SLC24A2: variants seen among roughly 807,000 people sequenced by gnomAD.
SLC24A2 encodes sodium/potassium/calcium exchanger 2.
A neutral mutation model predicts 62.0 loss-of-function variants in SLC24A2; 36 were observed. That is an observed-to-expected ratio of 0.58 (90% CI 0.44 to 0.77). SLC24A2 has a LOEUF of 0.77. Ranked by LOEUF, SLC24A2 falls within the 30% of genes least tolerant of loss-of-function variation. SLC24A2 has a pLI of 0.00. For missense variants in SLC24A2, 846 were observed against 817.9 expected (o/e 1.03, Z -0.42); for synonymous variants, 358 against 294.0 (o/e 1.22, Z -2.23).
chr9:20,260,910 C>T, the SLC24A2 span, among the ~76,000 whole-genome samples: 1 of 137,162 alleles, frequency 7.3e-6, no homozygotes, highest in Admixed American at 8.5e-5. Context: ...GGCTGGAGTG[C>T]AGTGGCGTAA....
chr9:19,660,948 T>C (rs1303809039), intron 2 of SLC24A2, among the ~76,000 whole-genome samples: 10 of 152,246 alleles, frequency 6.6e-5, no homozygotes, highest in African/African-American at 2.4e-4. Context: ...AAATGGCTCA[T>C]AACTCATGTC....
At chr9:19,645,899 C>T (rs773944585) in intron 2 of SLC24A2, among the ~76,000 whole-genome samples, 7 of 152,192 alleles carry the variant, frequency 4.6e-5, no homozygotes, top group Non-Finnish European at 7.4e-5. Flanking sequence ...TTGAAATGCA[C>T]AGGGCACTGG....
At chr9:19,641,420 G>C (rs1818489990) in intron 2 of SLC24A2, among the ~76,000 whole-genome samples, 1 of 152,122 alleles carries the variant, frequency 6.6e-6, no homozygotes, top group African/African-American at 2.4e-5. Flanking sequence ...CACTTTCAAA[G>C]ATGTCTTTCT....
chr9:20,283,362 G>C, the SLC24A2 span, among the ~76,000 whole-genome samples: 1 of 152,192 alleles, frequency 6.6e-6, no homozygotes, highest in South Asian at 2.1e-4. Flanking sequence ...CTGCATGGGG[G>C]TTGGAGGGAG....
chr9:20,137,405 A>C, the SLC24A2 span, among the ~76,000 whole-genome samples: 2 of 152,196 alleles, frequency 1.3e-5, no homozygotes, highest in African/African-American at 2.4e-5. Flanking sequence ...TGAAATTGGA[A>C]GAGCTGGGTT....
At chr9:20,160,219 G>C in the SLC24A2 span, among the ~76,000 whole-genome samples, 1 of 151,426 alleles carries the variant, frequency 6.6e-6, no homozygotes, top group African/African-American at 2.4e-5. Context: ...AGTGCTAAAA[G>C]CTGCAATTGT....
intron 3 of SLC24A2, among the ~76,000 whole-genome samples, chr9:19,621,067 A>G (rs748760200): frequency 1.3e-5 from 2 of 152,254 alleles, no homozygotes; most frequent in Middle Eastern, 3.2e-3. Flanking sequence ...CTAACACTAA[A>G]GAAATCTGTT....
Position 19,515,831 on chromosome 9 carries a change from T to C in SLC24A2, c.*322A>G. 2.7e-6 allele frequency: 1 copy of C among 366,016 alleles called. No homozygotes were observed. The highest frequency in any genetic ancestry group is 5.3e-6 in the Non-Finnish European group (1 of 189,652). 22.7% of individuals were successfully genotyped at this position (366,016 alleles called of 1,614,324 possible). Reference sequence around the variant, plus strand: ...CGTATATTTATAATATGTGTATTTATAGATATATATAGCCTGTGTCCTTGT... The same window carrying C: ...CGTATATTTATAATATGTGTATTTACAGATATATATAGCCTGTGTCCTTGT... On this transcript the variant is annotated 3_prime_UTR_variant, in exon 11 of 11. Transcript: ENST00000341998.
the SLC24A2 span, among the ~76,000 whole-genome samples, chr9:19,961,870 A>T: frequency 6.6e-6 from 1 of 152,214 alleles, no homozygotes; most frequent in Admixed American, 6.5e-5. Flanking sequence ...GTGAACTTGG[A>T]AACTGATCCT....
At position 19,513,171 on chromosome 9, in the gene SLC24A2, T is replaced by TAC. The variant is rs1832788339; in HGVS notation, c.*2981_*2982insGT. ...GTATAAAGATATATATATATATATATATATGTATATATATATATATGTATA... is the reference window on the plus strand; with the variant it reads ...GTATAAAGATATATATATATATATATACATATGTATATATATATATATGTATA... On this transcript the variant is annotated 3_prime_UTR_variant, in exon 11 of 11. Transcript: ENST00000341998. The TAC allele has an allele frequency of 3.3e-5, 2 of 59,924 alleles. No individual in the cohort carries two copies. The highest frequency in any genetic ancestry group is 1.3e-4 in the African/African-American group (2 of 15,490). 3.7% of individuals were successfully genotyped at this position (59,924 alleles called of 1,614,324 possible).
At chr9:20,019,452 C>T in the SLC24A2 span, among the ~76,000 whole-genome samples, 1 of 152,170 alleles carries the variant, frequency 6.6e-6, no homozygotes, top group African/African-American at 2.4e-5. Context: ...TTCCCCATTG[C>T]TTGTTTTTGT....
chr9:19,835,057 A>G, the SLC24A2 span, among the ~76,000 whole-genome samples: 1 of 152,134 alleles, frequency 6.6e-6, no homozygotes, highest in Admixed American at 6.5e-5. Flanking sequence ...GCCTGCCCTA[A>G]AAGAGCTCCT....
At position 19,786,725 on chromosome 9, in the gene SLC24A2, C is replaced by A. The variant is rs764859998; in HGVS notation, c.142G>T (p.Ala48Ser). 8.1e-6 allele frequency: 13 copies of A among 1,606,674 alleles called. No individual in the cohort carries two copies. In the South Asian group the frequency reaches 1.4e-4, roughly 18 times the overall value. The change falls in exon 2 of 11, where the codon GCC becomes TCC. Residue 48 changes from alanine (A) to serine (S), a missense_variant. By Grantham distance (99) the Ala-to-Ser change is moderately conservative. Coordinates refer to ENST00000341998, the MANE Select transcript of SLC24A2 (RefSeq NM_020344.4). This position sits in a 1 kb window ranked among gnomAD's most constrained non-coding sequence, Gnocchi z 5.0. ...RVLGLFMGLV[A>S]ISTVSFSISA... Reference sequence around the variant, plus strand: ...ATTGAAAATGAGACAGTGCTAATGGCTACCAGACCCATGAAAAGGCCTAAG... The same window carrying A: ...ATTGAAAATGAGACAGTGCTAATGGATACCAGACCCATGAAAAGGCCTAAG...
the SLC24A2 span, among the ~76,000 whole-genome samples, chr9:20,307,843 G>C: frequency 6.6e-6 from 1 of 152,094 alleles, no homozygotes; most frequent in Non-Finnish European, 1.5e-5. Context: ...AGGGACCGCG[G>C]CTCTCTTTGC....
chr9:20,158,529 T>A, the SLC24A2 span, among the ~76,000 whole-genome samples: 7,415 of 151,698 alleles, frequency 0.049, 216 homozygotes, highest in East Asian at 0.079. Flanking sequence ...AACTTGCAAC[T>A]TCCCAGGATC....
chr9:19,985,129 T>A, the SLC24A2 span, among the ~76,000 whole-genome samples: 1 of 152,248 alleles, frequency 6.6e-6, no homozygotes, highest in Middle Eastern at 3.4e-3. Context: ...CATAAACAAC[T>A]AAACCTGATG....
the SLC24A2 span, among the ~76,000 whole-genome samples, chr9:19,818,610 C>CA: frequency 1.3e-5 from 2 of 151,642 alleles, no homozygotes; most frequent in Non-Finnish European, 2.9e-5. Flanking sequence ...ATAGTAGTTG[C>CA]AAAAAAATAC....
chr9:20,270,142 C>T, the SLC24A2 span, among the ~76,000 whole-genome samples: 1 of 152,140 alleles, frequency 6.6e-6, no homozygotes, highest in African/African-American at 2.4e-5. Flanking sequence ...AGAGCGAGCT[C>T]ATTCACAACC....
the SLC24A2 span, among the ~76,000 whole-genome samples, chr9:20,189,450 C>T: frequency 6.6e-6 from 1 of 152,162 alleles, no homozygotes; most frequent in African/African-American, 2.4e-5. Context: ...TAAATCAATA[C>T]CTTCCCATAA....
Sources: gnomAD v4.1 joint callset for allele counts (sites outside exome capture counted in the v4.1 genomes callset) on GRCh38, gnomAD v4.1.1 for gene constraint, Gnocchi (gnomAD v3.1) non-coding constraint, MANE v1.5 for transcripts, NCBI Gene and HGNC (gene_info 2026-07-23, HGNC 2026-07-21) for gene names.